Variants in HDAC9 observed in about 807,000 individuals in gnomAD.
The protein encoded by HDAC9 is MEF-2 interacting transcription repressor (MITR) protein.
HDAC9 carries 41 observed loss-of-function variants against 139.4 expected under a neutral mutation model. That is an observed-to-expected ratio of 0.29 (90% confidence interval 0.23 to 0.38). The LOEUF (loss-of-function observed/expected upper bound fraction) is 0.38, where lower values mean the gene tolerates loss of function less well. HDAC9 is among the 10% of genes least tolerant of loss of function. The pLI, the probability that HDAC9 is intolerant of heterozygous loss-of-function variation, is 1.00. For missense variants in HDAC9, 1,147 were observed against 1,297.0 expected (o/e 0.88, Z 1.78); for synonymous variants, 517 against 476.2 (o/e 1.09, Z -1.12).
chr7:18,347,374 G>C (rs1782496529), intron 1 of HDAC9, among the ~76,000 whole-genome samples: 1 of 152,150 alleles, frequency 6.6e-6, no homozygotes, highest in Admixed American at 6.5e-5. Context: ...ATGACTCCCT[G>C]GGGAGGCTTA....
At chr7:18,464,453 G>A (rs1794100065) in intron 1 of HDAC9, among the ~76,000 whole-genome samples, 2 of 151,908 alleles carry the variant, frequency 1.3e-5, no homozygotes, top group Admixed American at 6.6e-5. Flanking sequence ...GCATTGGATA[G>A]CACATTATTT....
intron 14 of HDAC9, among the ~76,000 whole-genome samples, chr7:18,750,492 T>C (rs893215045): frequency 5.3e-5 from 8 of 152,218 alleles, no homozygotes; most frequent in Non-Finnish European, 1.2e-4. Context: ...CTGCTTTTGA[T>C]TAAATGTATC....
intron 17 of HDAC9, among the ~76,000 whole-genome samples, chr7:18,824,183 AC>A (rs1562966644): frequency 6.6e-6 from 1 of 152,134 alleles, no homozygotes; most frequent in Non-Finnish European, 1.5e-5. Context: ...CAGAGGGAAG[AC>A]GGCTGTCTGC....
chr7:18,387,354 C>A (rs188241636), intron 1 of HDAC9, among the ~76,000 whole-genome samples: 383 of 152,264 alleles, frequency 2.5e-3, no homozygotes, highest in Non-Finnish European at 4.7e-3. Context: ...GATTCATAAT[C>A]CTGCCCATTT....
At chr7:18,841,992 A>T (rs1796615077) in intron 21 of HDAC9, among the ~76,000 whole-genome samples, 1 of 152,154 alleles carries the variant, frequency 6.6e-6, no homozygotes, top group South Asian at 2.1e-4. Flanking sequence ...AGAACTTGAA[A>T]ATACCAAATT....
At chr7:18,520,597 C>T (rs567258705) in intron 2 of HDAC9, among the ~76,000 whole-genome samples, 13 of 152,152 alleles carry the variant, frequency 8.5e-5, no homozygotes, top group Admixed American at 2.6e-4. Flanking sequence ...ATATGATTTT[C>T]GAATTGATGT....
intron 2 of HDAC9, among the ~76,000 whole-genome samples, chr7:18,515,308 C>T (rs1802823266): frequency 6.6e-6 from 1 of 152,178 alleles, no homozygotes; most frequent in Admixed American, 6.5e-5. Flanking sequence ...TATAGTGTGC[C>T]TCACTGAAGT....
At chr7:18,407,439 G>A (rs1361988296) in intron 1 of HDAC9, among the ~76,000 whole-genome samples, 1 of 152,076 alleles carries the variant, frequency 6.6e-6, no homozygotes, top group Non-Finnish European at 1.5e-5. Flanking sequence ...CTCAAAGTGG[G>A]GTGACACGTT....
chr7:18,797,469 A>G (rs1360916967), intron 17 of HDAC9, among the ~76,000 whole-genome samples: 2 of 152,212 alleles, frequency 1.3e-5, no homozygotes, highest in African/African-American at 4.8e-5. Context: ...CACAATATTA[A>G]AATTCTCTCA....
chr7:18,666,413 C>T lies in HDAC9; in HGVS notation c.1668C>T (p.Asp556=), dbSNP rs532574120. 3.7e-6 allele frequency: 6 copies of T among 1,612,806 alleles called. No homozygotes were observed. In the East Asian group the frequency reaches 1.3e-4, roughly 36 times the overall value. ...TGAAGGTCAAGGAGGAACCAGTGGA[C>T]AGTGATGAAGATGCTCAGATCCAGG... ...GAVKVKEEPV[D]SDEDAQIQEM... The change falls in exon 12 of 26, where the codon GAC becomes GAT. Residue 556 remains aspartate (D), a synonymous_variant. Transcript: ENST00000686413.
At chr7:18,551,291 G>T (rs1334831050) in intron 2 of HDAC9, among the ~76,000 whole-genome samples, 3 of 152,186 alleles carry the variant, frequency 2.0e-5, no homozygotes, top group Admixed American at 6.5e-5. Context: ...GACATTGCTT[G>T]TAGGCAGGTG....
At chr7:18,933,155 A>C (rs1244498377) in intron 22 of HDAC9, among the ~76,000 whole-genome samples, 1 of 152,154 alleles carries the variant, frequency 6.6e-6, no homozygotes, top group African/African-American at 2.4e-5. Flanking sequence ...TATAAACAAC[A>C]GAAATTTATT....
At chr7:18,935,363 T>C (rs1781556669) in intron 22 of HDAC9, among the ~76,000 whole-genome samples, 1 of 152,176 alleles carries the variant, frequency 6.6e-6, no homozygotes, top group Admixed American at 6.6e-5. Flanking sequence ...AAATATTATA[T>C]TAGATAATGT....
chr7:18,606,930 T>C (rs548221861), intron 6 of HDAC9, among the ~76,000 whole-genome samples: 126 of 152,282 alleles, frequency 8.3e-4, no homozygotes, highest in Non-Finnish European at 1.3e-3. Flanking sequence ...ATGTTGTAAT[T>C]GATTAATTAC....
intron 1 of HDAC9, among the ~76,000 whole-genome samples, chr7:18,131,578 C>A (rs950747686): frequency 2.0e-5 from 3 of 152,116 alleles, no homozygotes; most frequent in African/African-American, 7.2e-5. Context: ...AAACTATCTT[C>A]TGAAATAAAT....
At chr7:18,205,586 A>G (rs1039883146) in intron 2 of HDAC9, among the ~76,000 whole-genome samples, 15 of 152,086 alleles carry the variant, frequency 9.9e-5, no homozygotes, top group Non-Finnish European at 2.1e-4. Flanking sequence ...TATATTTTCT[A>G]GTTCTAATGA....
intron 23 of HDAC9, among the ~76,000 whole-genome samples, chr7:18,948,576 A>G (rs1782567621): frequency 6.6e-6 from 1 of 152,120 alleles, no homozygotes; most frequent in Non-Finnish European, 1.5e-5. Context: ...TAAATATAAA[A>G]TTACTTCAAA....
At chr7:18,473,964 G>C (rs967511315) in intron 1 of HDAC9, among the ~76,000 whole-genome samples, 14 of 152,314 alleles carry the variant, frequency 9.2e-5, no homozygotes, top group Admixed American at 2.6e-4. Context: ...GTGCAGGAAT[G>C]AAACAACTTG....
chr7:18,870,845 T>C (rs1306062908), intron 21 of HDAC9, among the ~76,000 whole-genome samples: 3 of 152,000 alleles, frequency 2.0e-5, no homozygotes, highest in Admixed American at 6.6e-5. Context: ...GGCTAATCTT[T>C]TTTGGAGAGA....
Sources: allele counts gnomAD v4.1 joint callset (sites outside exome capture counted in the v4.1 genomes callset), GRCh38; gene constraint gnomAD v4.1.1; transcripts MANE v1.5; gene names NCBI Gene and HGNC (gene_info 2026-07-23, HGNC 2026-07-21).